Variants in CADPS2 observed in about 807,000 individuals in gnomAD.
CADPS2 encodes the protein calcium dependent secretion activator 2.
CADPS2 carries 93 observed loss-of-function variants against 172.5 expected under a neutral mutation model. That is an observed-to-expected ratio of 0.54 (90% CI 0.46 to 0.64). The LOEUF (loss-of-function observed/expected upper bound fraction) is 0.64. CADPS2 is among the 30% of genes least tolerant of loss of function. CADPS2 has a pLI of 0.00. For missense variants in CADPS2, 1,420 were observed against 1,565.9 expected, an observed-to-expected ratio of 0.91 and a Z score of 1.57; for synonymous variants, 546 against 555.2, an observed-to-expected ratio of 0.98 and a Z score of 0.23.
intron 2 of CADPS2, among the ~76,000 whole-genome samples, chr7:122,726,447 A>T (rs1223383686): frequency 6.6e-6 from 1 of 151,988 alleles, no homozygotes; most frequent in African/African-American, 2.4e-5. Context: ...AGCTTTAAAT[A>T]TGTCAAGGTG....
chr7:122,433,405 G>GT (rs1563325919), intron 17 of CADPS2, among the ~76,000 whole-genome samples: 20 of 133,884 alleles, frequency 1.5e-4, no homozygotes, highest in Admixed American at 5.6e-4. Context: ...GTGTTTTTTT[G>GT]GTTTTTTTTT....
intron 2 of CADPS2, among the ~76,000 whole-genome samples, chr7:122,668,414 A>AC (rs2081411461): frequency 6.7e-6 from 1 of 148,708 alleles, no homozygotes; most frequent in African/African-American, 2.6e-5. Flanking sequence ...AAAAAAAAAA[A>AC]AAAACAAAAA....
At chr7:122,579,527 C>A (rs1385824053) in intron 7 of CADPS2, among the ~76,000 whole-genome samples, 1 of 147,474 alleles carries the variant, frequency 6.8e-6, no homozygotes, top group Non-Finnish European at 1.5e-5. Context: ...TATTATTTGA[C>A]CAGCTGATAA....
intron 3 of CADPS2, among the ~76,000 whole-genome samples, chr7:122,634,824 G>A (rs1486742348): frequency 3.9e-5 from 6 of 152,068 alleles, no homozygotes; most frequent in Non-Finnish European, 5.9e-5. Flanking sequence ...TGCTTTAGCG[G>A]CATCCCAAAG....
At chr7:122,456,229 T>C (rs1283569542) in intron 14 of CADPS2, among the ~76,000 whole-genome samples, 3 of 152,060 alleles carry the variant, frequency 2.0e-5, no homozygotes, top group Non-Finnish European at 2.9e-5. Context: ...ATAAACATAA[T>C]AATCCTGCTT....
chr7:122,445,921 G>C (rs780974452), intron 15 of CADPS2, among the ~76,000 whole-genome samples: 1 of 152,188 alleles, frequency 6.6e-6, no homozygotes, highest in South Asian at 2.1e-4. Context: ...TGCAAATAAA[G>C]ATAGTTTTGC....
intron 7 of CADPS2, among the ~76,000 whole-genome samples, chr7:122,564,878 A>ACACACAC (rs1275639457): frequency 7.9e-6 from 1 of 127,048 alleles, no homozygotes; most frequent in African/African-American, 3.1e-5. Context: ...CACACACACA[A>ACACACAC]AACACTACCC....
chr7:122,381,879 G>A (rs2043053388), intron 24 of CADPS2, among the ~76,000 whole-genome samples: 2 of 152,144 alleles, frequency 1.3e-5, no homozygotes, highest in Admixed American at 1.3e-4. Flanking sequence ...TCCAAATAGT[G>A]TGAGGTTTTT....
chr7:122,373,788 A>G (rs954930230), intron 25 of CADPS2, among the ~76,000 whole-genome samples: 3 of 152,174 alleles, frequency 2.0e-5, no homozygotes, highest in African/African-American at 7.2e-5. Context: ...GAATTCTACC[A>G]AACATTTAAA....
At chr7:122,842,562 G>T (rs1810856352) in intron 1 of CADPS2, among the ~76,000 whole-genome samples, 1 of 152,040 alleles carries the variant, frequency 6.6e-6, no homozygotes, top group African/African-American at 2.4e-5. Flanking sequence ...CCAACAATAT[G>T]ATAATACAGA....
intron 19 of CADPS2, 131 bp downstream of exon 19, chr7:122,413,933 AAAAC>A (rs1262657183): frequency 2.7e-6 from 2 of 730,966 alleles, no homozygotes; most frequent in East Asian, 5.6e-5. Context: ...CATTCAAAGA[AAAAC>A]AGACATTCTG....
chr7:122,596,472 A>G (rs2071799847), intron 6 of CADPS2, among the ~76,000 whole-genome samples: 1 of 152,150 alleles, frequency 6.6e-6, no homozygotes, highest in African/African-American at 2.4e-5. Context: ...TGATGAAAAC[A>G]CAAAGATGAA....
In CADPS2 at chr7:122,723,444, C is replaced by T. The variant is rs563553304; in HGVS notation, c.453+13511G>A. Among the ~76,000 whole-genome samples, 22 of 152,164 alleles carry T rather than the reference C, an allele frequency of 1.4e-4. No individual in the cohort carries two copies. In the East Asian group the frequency reaches 3.1e-3, roughly 21 times the overall value. ...ATGAAAAAATGCTCATCATCACAGG[C>T]CATCAGAGAAATGCAAATCAAAACC... On this transcript the variant is annotated intron_variant, in intron 2 of 29. Transcript: ENST00000449022.
intron 6 of CADPS2, chr7:122,585,764 G>A (rs781063380): frequency 1.7e-4 from 26 of 151,906 alleles, no homozygotes; most frequent in African/African-American, 6.3e-4. Flanking sequence ...GCACCTTTAC[G>A]AGAACAGCAG....
chr7:122,807,455 A>G (rs1380422181), intron 1 of CADPS2, among the ~76,000 whole-genome samples: 2 of 152,188 alleles, frequency 1.3e-5, no homozygotes, highest in Non-Finnish European at 2.9e-5. Context: ...GGCCTGGACA[A>G]CTCAGCAAAC....
intron 1 of CADPS2, among the ~76,000 whole-genome samples, chr7:122,792,766 A>C (rs1271389793): frequency 3.9e-5 from 6 of 152,180 alleles, no homozygotes; most frequent in Non-Finnish European, 8.8e-5. Context: ...ACAGTGAACA[A>C]AGAAAGGTAC....
intron 14 of CADPS2, among the ~76,000 whole-genome samples, chr7:122,458,590 T>C (rs866450235): frequency 6.6e-6 from 1 of 152,198 alleles, no homozygotes; most frequent in Non-Finnish European, 1.5e-5. Flanking sequence ...CCCTTCCTTG[T>C]CTGGATTTTG....
At chr7:122,617,038 A>G (rs533811738) in intron 5 of CADPS2, among the ~76,000 whole-genome samples, 1 of 152,350 alleles carries the variant, frequency 6.6e-6, no homozygotes, top group East Asian at 1.9e-4. Context: ...ATATTTCAGA[A>G]TATTATTGTT....
intron 1 of CADPS2, among the ~76,000 whole-genome samples, chr7:122,877,741 A>T (rs1821587323): frequency 6.6e-6 from 1 of 152,186 alleles, no homozygotes; most frequent in African/African-American, 2.4e-5. Context: ...ATATAGTAAA[A>T]ATATCATTGT....
Sources: allele counts gnomAD v4.1 joint callset (sites outside exome capture counted in the v4.1 genomes callset), GRCh38; gene constraint gnomAD v4.1.1; transcripts MANE v1.5; gene names NCBI Gene and HGNC (gene_info 2026-07-23, HGNC 2026-07-21).